The following LGR5 variants were observed in gnomAD, a reference collection of about 807,000 sequenced individuals.
The protein encoded by LGR5 is leucine-rich repeat-containing G protein-coupled receptor 5.
A neutral mutation model predicts 76.7 loss-of-function variants in LGR5; 54 were observed. The observed-to-expected ratio is 0.70, with a 90% CI of 0.57 to 0.88. LGR5 has a LOEUF of 0.88. LGR5 is among the 40% of genes least tolerant of loss of function. LGR5 has a pLI of 0.00. For synonymous variants in LGR5, 406 were observed against 421.9 expected (o/e 0.96, Z 0.46); for missense variants, 1,078 against 1,073.3 (o/e 1.00, Z -0.06).
chr12:71,456,039 C>T (rs552153411), intron 1 of LGR5, among the ~76,000 whole-genome samples: 1 of 152,130 alleles, frequency 6.6e-6, no homozygotes, highest in South Asian at 2.1e-4. Context: ...ATAGAAGACC[C>T]AGTTTCACAT....
At chr12:71,468,285 TAAC>T (rs1872941650) in intron 1 of LGR5, among the ~76,000 whole-genome samples, 1 of 152,146 alleles carries the variant, frequency 6.6e-6, no homozygotes, top group Non-Finnish European at 1.5e-5. Context: ...TGATAAAAAA[TAAC>T]AAGCTGTGAC....
rs964443843 is a variant in LGR5, at chr12:71,578,355, C to T, written c.1280+359C>T. Among the ~76,000 whole-genome samples the T allele has an allele frequency of 3.0e-4, 45 of 152,290 alleles. 1 individual carries two copies. In the South Asian group the frequency reaches 3.5e-3, roughly 12 times the overall value. On this transcript the variant is annotated intron_variant, in intron 14 of 17. Coordinates refer to ENST00000266674, the MANE Select transcript of LGR5 (RefSeq NM_003667.4). The stretch of plus-strand genomic sequence containing the variant: ...AGAATCTTCCTGTCCCTTCCCCCCA[C>T]GCCAACTTCCCACCTCTTGCTCCTT...
chr12:71,480,323 T>C (rs146534245), intron 1 of LGR5, among the ~76,000 whole-genome samples: 1,471 of 143,814 alleles, frequency 0.01, 27 homozygotes, highest in African/African-American at 0.037. Flanking sequence ...ATCATGCCAC[T>C]GCACTCCAGC....
chr12:71,509,991 C>T (rs1875067288), intron 2 of LGR5, among the ~76,000 whole-genome samples: 1 of 152,198 alleles, frequency 6.6e-6, no homozygotes, highest in Non-Finnish European at 1.5e-5. Flanking sequence ...AGGCTTGTTA[C>T]TTCTACTTCC....
intron 3 of LGR5, among the ~76,000 whole-genome samples, chr12:71,532,560 G>A (rs1876371408): frequency 6.6e-6 from 1 of 152,102 alleles, no homozygotes; most frequent in Non-Finnish European, 1.5e-5. Context: ...TAATTTTTAT[G>A]ATCTCCAAAT....
intron 16 of LGR5, among the ~76,000 whole-genome samples, chr12:71,582,043 C>A (rs1204280171): frequency 2.6e-5 from 4 of 152,178 alleles, no homozygotes; most frequent in Non-Finnish European, 5.9e-5. Flanking sequence ...GTGTCTGATT[C>A]TCTGGTGTTC....
chr12:71,579,021 A>G, intron 15 of LGR5, 92 bp downstream of exon 15: 1 of 1,223,046 alleles, frequency 8.2e-7, no homozygotes, highest in Non-Finnish European at 1.1e-6. Context: ...TGAGGTCGTG[A>G]GACACTTTTG....
chr12:71,575,722 A>ATGTGTGTGTG (rs140264650), intron 13 of LGR5, among the ~76,000 whole-genome samples: 7 of 144,862 alleles, frequency 4.8e-5, no homozygotes, highest in African/African-American at 1.8e-4. Context: ...AAAAATATAT[A>ATGTGTGTGTG]TGTGTGTGTG....
chr12:71,573,443 C>G (rs1878706063), intron 13 of LGR5, among the ~76,000 whole-genome samples: 2 of 152,094 alleles, frequency 1.3e-5, no homozygotes, highest in African/African-American at 4.8e-5. Flanking sequence ...CACAGCTGTT[C>G]TAGAATCACT....
rs1879261409 is a variant in LGR5 at position 71,584,966 on chromosome 12, A to G, written c.*232A>G. On this transcript the variant is annotated 3_prime_UTR_variant, in exon 18 of 18. Coordinates refer to ENST00000266674, the MANE Select transcript of LGR5 (RefSeq NM_003667.4). ...AGCTAAGGGATAGATCGATCACACTATTTAAGTGAGCCCAGATCAAAAAAG... is the reference window on the plus strand; with the variant it reads ...AGCTAAGGGATAGATCGATCACACTGTTTAAGTGAGCCCAGATCAAAAAAG... The G allele has an allele frequency of 2.1e-6, 1 of 475,400 alleles. No individual in the cohort carries two copies. Among genetic ancestry groups the G allele is most frequent in the African/African-American group, 1.9e-5 (1 of 51,682 alleles). The allele number at this position is 475,400 out of a possible 1,614,324, so 29.4% of individuals were successfully genotyped here.
chr12:71,508,177 G>A (rs1394807814), intron 2 of LGR5, among the ~76,000 whole-genome samples: 1 of 151,936 alleles, frequency 6.6e-6, no homozygotes, highest in Non-Finnish European at 1.5e-5. Flanking sequence ...GCAGTGAGTC[G>A]AGATTGGGCC....
At chr12:71,582,188 G>T (rs558237803) in intron 16 of LGR5, 14 of 368,894 alleles carry the variant, frequency 3.8e-5, no homozygotes, top group African/African-American at 2.4e-4. Flanking sequence ...ATCATGAGCT[G>T]CAGGGAACAC....
chr12:71,524,668 C>A (rs914892594), intron 3 of LGR5, among the ~76,000 whole-genome samples, 191 bp downstream of exon 3: 2 of 152,134 alleles, frequency 1.3e-5, no homozygotes, highest in Non-Finnish European at 2.9e-5. Flanking sequence ...AAAAAAAATT[C>A]ATCTCTCCTT....
intron 1 of LGR5, among the ~76,000 whole-genome samples, chr12:71,458,937 T>C (rs916503790): frequency 1.3e-5 from 2 of 151,794 alleles, no homozygotes; most frequent in African/African-American, 4.8e-5. Context: ...AACACTTCCC[T>C]TGGGAAACGA....
At chr12:71,499,291 G>C (rs1194549996) in intron 1 of LGR5, among the ~76,000 whole-genome samples, 1 of 152,054 alleles carries the variant, frequency 6.6e-6, no homozygotes, top group Non-Finnish European at 1.5e-5. Context: ...GAACAATGAA[G>C]ATGGAAAGAT....
At chr12:71,516,345 G>T (rs957958191) in intron 2 of LGR5, among the ~76,000 whole-genome samples, 3 of 152,124 alleles carry the variant, frequency 2.0e-5, no homozygotes, top group African/African-American at 7.2e-5. Flanking sequence ...AACTCAAGAA[G>T]AAATTTGTGC....
At chr12:71,483,879 A>G (rs1873716889) in intron 1 of LGR5, among the ~76,000 whole-genome samples, 1 of 152,198 alleles carries the variant, frequency 6.6e-6, no homozygotes, top group Admixed American at 6.5e-5. Context: ...ATGGCCATTT[A>G]GATGAGAGTG....
intron 1 of LGR5, among the ~76,000 whole-genome samples, chr12:71,453,481 T>A (rs1339688853): frequency 6.2e-5 from 9 of 144,712 alleles, no homozygotes; most frequent in African/African-American, 1.6e-4. Context: ...TTTTTTTTTT[T>A]AATCTCATCC....
chr12:71,493,567 T>TA (rs1438781091), intron 1 of LGR5, among the ~76,000 whole-genome samples: 5 of 151,092 alleles, frequency 3.3e-5, no homozygotes, highest in African/African-American at 1.2e-4. Context: ...ATGCTCCAGA[T>TA]AAAAATGTAA....
Sources: gnomAD v4.1 joint callset for allele counts (sites outside exome capture counted in the v4.1 genomes callset) on GRCh38, gnomAD v4.1.1 for gene constraint, MANE v1.5 for transcripts, NCBI Gene and HGNC (gene_info 2026-07-23, HGNC 2026-07-21) for gene names.